SEPTIN10: variants seen among roughly 807,000 people sequenced by gnomAD.
SEPTIN10 encodes the protein septin 10, also known as septin-10.
In SEPTIN10, 66 loss-of-function variants were observed where a neutral mutation model predicts 54.8. The observed-to-expected ratio is 1.21, with a 90% confidence interval of 0.99 to 1.48. The LOEUF (loss-of-function observed/expected upper bound fraction) is 1.48, where lower values mean the gene tolerates loss of function less well. SEPTIN10 is among the 40% of genes most tolerant of loss of function. SEPTIN10 has a pLI of 0.00. For synonymous variants in SEPTIN10, 161 were observed against 181.0 expected, an observed-to-expected ratio of 0.89 and a Z score of 0.89; for missense variants, 620 against 545.6, an observed-to-expected ratio of 1.14 and a Z score of -1.36.
At chr2:109,549,899 T>C (rs1263910374) in intron 9 of SEPTIN10, among the ~76,000 whole-genome samples, 1 of 152,188 alleles carries the variant, frequency 6.6e-6, no homozygotes, top group Non-Finnish European at 1.5e-5. Flanking sequence ...TTTCAGACCG[T>C]AGTTGACCAT....
chr2:109,565,753 T>A lies in SEPTIN10; in HGVS notation c.859+10A>T, dbSNP rs1686834231. Reference sequence around the variant, plus strand: ...GATACATATTTCTAGTCATCCTTTGTCTCATTTACCTTGTACAACACCCCA... The same window carrying A: ...GATACATATTTCTAGTCATCCTTTGACTCATTTACCTTGTACAACACCCCA... On this transcript the variant is annotated intron_variant, in intron 7 of 10. Coordinates refer to ENST00000397712, the MANE Select transcript of SEPTIN10 (RefSeq NM_144710.5). 6.2e-7 allele frequency: 1 copy of A among 1,608,388 alleles called. No individual in the cohort carries two copies. The highest frequency in any genetic ancestry group is 1.1e-5 in the South Asian group (1 of 90,920).
At chr2:109,607,456 G>C (rs1259815883) in intron 1 of SEPTIN10, among the ~76,000 whole-genome samples, 1 of 152,098 alleles carries the variant, frequency 6.6e-6, no homozygotes, top group African/African-American at 2.4e-5. Context: ...TCCCCCTAAA[G>C]AGAGCAGAAA....
chr2:109,551,206 A>G (rs1308649524), intron 9 of SEPTIN10, among the ~76,000 whole-genome samples: 1 of 152,266 alleles, frequency 6.6e-6, no homozygotes, highest in Non-Finnish European at 1.5e-5. Flanking sequence ...ATCTAAGCAC[A>G]CATCATTTTA....
Position 109,613,820 on chromosome 2 carries a change from G to A in SEPTIN10, c.8C>T (p.Ser3Phe). The A allele has an allele frequency of 8.1e-7, 1 of 1,236,082 alleles. No homozygotes were observed. The allele number at this position is 1,236,082 out of a possible 1,614,324, so 76.6% of individuals were successfully genotyped here. A position where few individuals can be genotyped will look rare whatever the true frequency, so the allele number is the denominator to read the frequency against. Residue 3 changes from serine (S) to phenylalanine (F), a missense_variant, in exon 1 of 11, where the codon TCC becomes TTC. Transcript: ENST00000397712. Reference protein sequence around the residue: MASSEVARHLLFQ... With the variant: MAFSEVARHLLFQ... Reference sequence around the variant, plus strand: ...CACCAGGTGCCGCGCCACCTCGGAGGAGGCCATGGTCGCGGGCAGGGGCAC... The same window carrying A: ...CACCAGGTGCCGCGCCACCTCGGAGAAGGCCATGGTCGCGGGCAGGGGCAC...
chr2:109,607,688 A>G (rs774910414), intron 1 of SEPTIN10, among the ~76,000 whole-genome samples: 1 of 152,174 alleles, frequency 6.6e-6, no homozygotes, highest in Non-Finnish European at 1.5e-5. Flanking sequence ...AAAAATGTTG[A>G]GAAACACTGT....
At chr2:109,612,517 C>T (rs1454550861) in intron 1 of SEPTIN10, among the ~76,000 whole-genome samples, 2 of 152,138 alleles carry the variant, frequency 1.3e-5, no homozygotes, top group Admixed American at 6.5e-5. Flanking sequence ...GCATATTAAT[C>T]TACAATTAAC....
At chr2:109,587,562 A>C (rs1268627575) in intron 2 of SEPTIN10, among the ~76,000 whole-genome samples, 9 of 152,228 alleles carry the variant, frequency 5.9e-5, no homozygotes, top group Admixed American at 2.0e-4. Context: ...CAAACAGGAA[A>C]TATCCAAAGG....
chr2:109,555,192 T>C (rs947608810), intron 8 of SEPTIN10, among the ~76,000 whole-genome samples: 1 of 152,236 alleles, frequency 6.6e-6, no homozygotes, highest in African/African-American at 2.4e-5. Context: ...ATGCTATCTA[T>C]AGAATAAGGT....
At chr2:109,585,012 G>C (rs1191856002) in intron 4 of SEPTIN10, 114 bp downstream of exon 4, 2 of 480,650 alleles carry the variant, frequency 4.2e-6, no homozygotes, top group Non-Finnish European at 7.2e-6. Context: ...AACAATGTGT[G>C]GAAGGAAAGG....
chr2:109,555,559 A>G (rs1336635787), intron 8 of SEPTIN10, among the ~76,000 whole-genome samples: 1 of 152,224 alleles, frequency 6.6e-6, no homozygotes, highest in African/African-American at 2.4e-5. Flanking sequence ...ATTCTCATAA[A>G]TGCAGAATGT....
chr2:109,612,329 T>C (rs1439934756), intron 1 of SEPTIN10, among the ~76,000 whole-genome samples: 1 of 152,144 alleles, frequency 6.6e-6, no homozygotes, highest in African/African-American at 2.4e-5. Flanking sequence ...GAAGTGTGTG[T>C]GGTTATAAAA....
intron 8 of SEPTIN10, among the ~76,000 whole-genome samples, chr2:109,553,832 C>T (rs1331600779): frequency 2.7e-5 from 4 of 147,932 alleles, no homozygotes; most frequent in Non-Finnish European, 4.5e-5. Context: ...CCAGCCTGGG[C>T]GACACAGCAA....
rs1680526945 is a variant in SEPTIN10, at chr2:109,543,982, G to A, written c.*327C>T. The A allele has an allele frequency of 4.8e-6, 3 of 631,142 alleles. No individual in the cohort carries two copies. The highest frequency in any genetic ancestry group is 6.4e-5 in the Admixed American group (2 of 31,306). 39.1% of individuals were successfully genotyped at this position (631,142 alleles called of 1,614,324 possible). A position where few individuals can be genotyped will look rare whatever the true frequency, so the allele number is the denominator to read the frequency against. On this transcript the variant is annotated 3_prime_UTR_variant, in exon 11 of 11. Transcript: ENST00000397712. ...AAATTTTGTGCAAGAAACAAAATCT[G>A]TTTAAACTGAACCATCAGAAAGCAA...
chr2:109,567,871 T>C lies in SEPTIN10; in HGVS notation c.706A>G (p.Ile236Val). 1.2e-6 allele frequency: 2 copies of C among 1,613,988 alleles called. No individual in the cohort carries two copies. ...MSELVSNGVQ[I>V]YQFPTDDDTI... ...TCATCATCCGTTGGGAACTGGTATATCTGGACGCCATTGCTGACCAATTCA... is the reference window on the plus strand; with the variant it reads ...TCATCATCCGTTGGGAACTGGTATACCTGGACGCCATTGCTGACCAATTCA... The change falls in exon 6 of 11, where the codon ATA becomes GTA. Residue 236 changes from isoleucine to valine, a missense_variant. Transcript: ENST00000397712.
chr2:109,547,913 T>G (rs1166817066), intron 9 of SEPTIN10, among the ~76,000 whole-genome samples: 1 of 152,156 alleles, frequency 6.6e-6, no homozygotes, highest in Admixed American at 6.5e-5. Flanking sequence ...CTGTTACAGG[T>G]GCAAAAGAGA....
chr2:109,553,283 G>A (rs1683491873), intron 8 of SEPTIN10, 64 bp from the exon 9 acceptor site: 9 of 1,561,230 alleles, frequency 5.8e-6, no homozygotes, highest in East Asian at 2.3e-5. Flanking sequence ...GGCGGCTCAC[G>A]CCTGTAATCC....
At chr2:109,611,368 A>G (rs915710804) in intron 1 of SEPTIN10, among the ~76,000 whole-genome samples, 3 of 152,224 alleles carry the variant, frequency 2.0e-5, no homozygotes, top group African/African-American at 7.2e-5. Flanking sequence ...TTTGCAAAAG[A>G]CCCTGTTAGA....
chr2:109,613,257 G>T (rs1699666069), intron 1 of SEPTIN10: 1 of 1,112,514 alleles, frequency 9.0e-7, no homozygotes, highest in African/African-American at 1.6e-5. Flanking sequence ...GTGAACAAAC[G>T]CGTTCTTTTA....
intron 1 of SEPTIN10, among the ~76,000 whole-genome samples, chr2:109,601,399 A>G (rs573511184): frequency 6.6e-6 from 1 of 152,366 alleles, no homozygotes; most frequent in Non-Finnish European, 1.5e-5. Flanking sequence ...GGTCCATTTC[A>G]TTATATATTC....
Sources: gnomAD v4.1 joint callset for allele counts (sites outside exome capture counted in the v4.1 genomes callset) on GRCh38, gnomAD v4.1.1 for gene constraint, MANE v1.5 for transcripts, NCBI Gene and HGNC (gene_info 2026-07-23, HGNC 2026-07-21) for gene names.